Variants in KCNH1 observed in about 807,000 individuals in gnomAD.
The protein encoded by KCNH1 is voltage-gated delayed rectifier potassium channel KCNH1.
A neutral mutation model predicts 69.2 loss-of-function variants in KCNH1; 27 were observed. That is an observed-to-expected ratio of 0.39 (90% CI 0.29 to 0.54). The LOEUF is 0.54. Among genes scored for constraint, KCNH1 ranks in the 20% least tolerant of loss-of-function variants. KCNH1 has a pLI of 0.68. For synonymous variants in KCNH1, 456 were observed against 487.7 expected, an observed-to-expected ratio of 0.93 and a Z score of 0.86; for missense variants, 798 against 1,261.6, an observed-to-expected ratio of 0.63 and a Z score of 5.57.
At chr1:210,753,725 A>G (rs1157688363) in intron 10 of KCNH1, among the ~76,000 whole-genome samples, 6 of 152,036 alleles carry the variant, frequency 3.9e-5, no homozygotes, top group African/African-American at 1.4e-4. Context: ...TGTACTTTCT[A>G]TTCTCCCCAG....
chr1:210,939,348 G>C (rs1468760790), intron 6 of KCNH1, among the ~76,000 whole-genome samples: 2 of 152,162 alleles, frequency 1.3e-5, no homozygotes, highest in Non-Finnish European at 2.9e-5. Context: ...GTGCCAAAAA[G>C]AGGGATGATG....
intron 5 of KCNH1, among the ~76,000 whole-genome samples, chr1:211,054,221 A>G (rs1690262711): frequency 6.6e-6 from 1 of 152,124 alleles, no homozygotes. Flanking sequence ...ACCAGAGGTT[A>G]CAATGAGCCA....
intron 5 of KCNH1, among the ~76,000 whole-genome samples, chr1:211,060,240 A>G (rs950988060): frequency 6.6e-6 from 1 of 151,992 alleles, no homozygotes; most frequent in Non-Finnish European, 1.5e-5. Context: ...AAGCACTACT[A>G]AGAGAAAAGT....
At chr1:210,964,802 A>G (rs915966483) in intron 6 of KCNH1, among the ~76,000 whole-genome samples, 1 of 152,222 alleles carries the variant, frequency 6.6e-6, no homozygotes, top group African/African-American at 2.4e-5. Flanking sequence ...CAACAAAAAA[A>G]GAAAATTTCA....
At chr1:211,011,647 C>T (rs538238796) in intron 6 of KCNH1, among the ~76,000 whole-genome samples, 98 of 152,206 alleles carry the variant, frequency 6.4e-4, no homozygotes, top group Non-Finnish European at 1.0e-3. Context: ...CACAGTTTCA[C>T]GGTTAATCAC....
intron 10 of KCNH1, among the ~76,000 whole-genome samples, chr1:210,726,089 C>G (rs1682583140): frequency 6.6e-6 from 1 of 152,038 alleles, no homozygotes; most frequent in South Asian, 2.1e-4. Flanking sequence ...AATGGAAGAA[C>G]AAAGTAACAC....
intron 7 of KCNH1, among the ~76,000 whole-genome samples, chr1:210,851,231 T>C (rs780359011): frequency 1.3e-5 from 2 of 152,216 alleles, no homozygotes; most frequent in African/African-American, 2.4e-5. Context: ...ATAGAGAACA[T>C]GTTGTTGTCT....
chr1:211,054,181 C>T (rs1225099862), intron 5 of KCNH1, among the ~76,000 whole-genome samples: 1 of 151,782 alleles, frequency 6.6e-6, no homozygotes, highest in Non-Finnish European at 1.5e-5. Context: ...ACTCAGGAGT[C>T]TGAGGCAAGA....
chr1:211,089,039 T>G (rs568322671), intron 4 of KCNH1, among the ~76,000 whole-genome samples: 7 of 152,332 alleles, frequency 4.6e-5, no homozygotes, highest in African/African-American at 1.7e-4. Flanking sequence ...ATTTTCCTAC[T>G]AAATAATACC....
chr1:210,978,453 T>C (rs1688654212), intron 6 of KCNH1, among the ~76,000 whole-genome samples: 1 of 152,212 alleles, frequency 6.6e-6, no homozygotes, highest in African/African-American at 2.4e-5. Context: ...GCAGTTTCGA[T>C]TGACTGCTTT....
At chr1:211,082,693 T>A in intron 5 of KCNH1, 87 bp downstream of exon 5, 1 of 1,051,356 alleles carries the variant, frequency 9.5e-7, no homozygotes, top group Non-Finnish European at 1.4e-6. Context: ...GTCCTCTCCA[T>A]GATTAGCACA....
In KCNH1 at chr1:210,852,488, A is replaced by T. The variant is rs544692662; in HGVS notation, c.1463-48322T>A. 2.1e-4 allele frequency among the ~76,000 whole-genome samples: 32 copies of T among 152,260 alleles called. 1 individual carries two copies. In the South Asian group the frequency reaches 5.2e-3, roughly 25 times the overall value. On this transcript the variant is annotated intron_variant, in intron 7 of 10. Transcript: ENST00000271751. The stretch of plus-strand genomic sequence containing the variant: ...TAAATTTTAAATTTTAATTAACCTA[A>T]GTGACTTCTAGGAAGCCTTCTATTT...
intron 5 of KCNH1, among the ~76,000 whole-genome samples, chr1:211,080,110 T>C (rs1380471864): frequency 6.6e-6 from 1 of 152,200 alleles, no homozygotes; most frequent in East Asian, 1.9e-4. Flanking sequence ...GATAAGCAAC[T>C]TCAGCAAAGT....
intron 1 of KCNH1, among the ~76,000 whole-genome samples, chr1:211,121,676 C>G (rs1691687366): frequency 6.6e-6 from 1 of 152,174 alleles, no homozygotes; most frequent in Admixed American, 6.5e-5. Flanking sequence ...CCAAAATTGA[C>G]AAATGGGATC....
intron 5 of KCNH1, among the ~76,000 whole-genome samples, chr1:211,068,963 C>T (rs777287553): frequency 3.9e-5 from 6 of 152,168 alleles, no homozygotes; most frequent in Non-Finnish European, 5.9e-5. Context: ...ATTTTACCTC[C>T]AGGAACTATC....
chr1:210,944,938 G>C (rs12131362), intron 6 of KCNH1, among the ~76,000 whole-genome samples: 9,069 of 152,116 alleles, frequency 0.06, 341 homozygotes, highest in East Asian at 0.18. Context: ...GCCAGCTCCT[G>C]ATAACCTCCA....
At chr1:210,877,013 A>T (rs1441288805) in intron 7 of KCNH1, among the ~76,000 whole-genome samples, 5 of 151,172 alleles carry the variant, frequency 3.3e-5, no homozygotes, top group Non-Finnish European at 5.9e-5. Flanking sequence ...GCTCACAGGT[A>T]CTTCTCTCTT....
In KCNH1 at chr1:210,730,534, A is replaced by G. The variant is rs998799050; in HGVS notation, c.2112+44814T>C. On this transcript the variant is annotated intron_variant, in intron 10 of 10. Coordinates refer to ENST00000271751, the MANE Select transcript of KCNH1 (RefSeq NM_172362.3). ...CTACCTCTGACCCCCTACAATTTTG[A>G]GTGTGCCTAGTAATTACTGATGAAA... Among the ~76,000 whole-genome samples, 5 of 150,024 alleles carry G rather than the reference A, an allele frequency of 3.3e-5. No individual in the cohort carries two copies. The South Asian group carries it at 1.1e-3, about 32-fold the overall frequency.
At chr1:210,803,917 T>C in intron 8 of KCNH1, 50 bp downstream of exon 8, 1 of 1,552,254 alleles carries the variant, frequency 6.4e-7, no homozygotes. Context: ...TCAACCCTCC[T>C]AGGGAAACCA....
Sources: allele counts gnomAD v4.1 joint callset (sites outside exome capture counted in the v4.1 genomes callset), GRCh38; gene constraint gnomAD v4.1.1; transcripts MANE v1.5; gene names NCBI Gene and HGNC (gene_info 2026-07-23, HGNC 2026-07-21).